ELOVL6: variants seen among roughly 807,000 people sequenced by gnomAD.
ELOVL6 encodes the protein very long chain fatty acid elongase 6.
A neutral mutation model predicts 31.7 loss-of-function variants in ELOVL6; 8 were observed. That is an observed-to-expected ratio of 0.25 (90% CI 0.15 to 0.45). The LOEUF is 0.45. Among genes scored for constraint, ELOVL6 ranks in the 20% least tolerant of loss-of-function variants. The probability of loss-of-function intolerance (pLI) is 1.00; values close to 1 mark genes in which losing one functional copy is unlikely to be tolerated. For synonymous variants in ELOVL6, 101 were observed against 117.7 expected, an observed-to-expected ratio of 0.86 and a Z score of 0.92; for missense variants, 126 against 326.4, an observed-to-expected ratio of 0.39 and a Z score of 4.73.
intron 1 of ELOVL6, among the ~76,000 whole-genome samples, chr4:110,145,153 G>A (rs967142634): frequency 6.6e-6 from 1 of 151,872 alleles, no homozygotes; most frequent in Non-Finnish European, 1.5e-5. Flanking sequence ...GAGAGAGAGA[G>A]AGAGTGAGAA....
chr4:110,126,968 T>C (rs943857010), intron 1 of ELOVL6, among the ~76,000 whole-genome samples: 3 of 150,446 alleles, frequency 2.0e-5, no homozygotes, highest in African/African-American at 7.4e-5. Flanking sequence ...TTCTGGCTAA[T>C]ACTGTAATTA....
At chr4:110,130,572 A>T (rs545992915) in intron 1 of ELOVL6, among the ~76,000 whole-genome samples, 1 of 152,338 alleles carries the variant, frequency 6.6e-6, no homozygotes, top group South Asian at 2.1e-4. Context: ...AGCCCAAGGA[A>T]AAGTAACTCC....
intron 2 of ELOVL6, among the ~76,000 whole-genome samples, chr4:110,069,939 A>G (rs1755420622): frequency 6.6e-6 from 1 of 152,102 alleles, no homozygotes. Flanking sequence ...TTCTCCCTCT[A>G]CAACCCCACT....
At chr4:110,170,094 C>T (rs932059336) in intron 1 of ELOVL6, among the ~76,000 whole-genome samples, 2 of 151,756 alleles carry the variant, frequency 1.3e-5, no homozygotes, top group Admixed American at 6.6e-5. Context: ...GGATTATAGG[C>T]GTGAGCCACT....
At chr4:110,170,438 T>C (rs1054020532) in intron 1 of ELOVL6, among the ~76,000 whole-genome samples, 4 of 152,256 alleles carry the variant, frequency 2.6e-5, no homozygotes, top group Admixed American at 2.0e-4. Flanking sequence ...ATACTCATAG[T>C]ACTTTTGTAG....
At chr4:110,072,092 C>T (rs1307878377) in intron 2 of ELOVL6, among the ~76,000 whole-genome samples, 1 of 152,208 alleles carries the variant, frequency 6.6e-6, no homozygotes, top group Admixed American at 6.5e-5. Context: ...CAGCCGTCAA[C>T]TTGCTGGAGC....
chr4:110,059,965 C>G (rs1412963239), intron 2 of ELOVL6: 2 of 455,478 alleles, frequency 4.4e-6, no homozygotes, highest in Non-Finnish European at 7.7e-6. Context: ...TATGATACCA[C>G]TTCCTCTTCA....
chr4:110,071,093 G>A (rs1307085627), intron 2 of ELOVL6, among the ~76,000 whole-genome samples: 3 of 152,060 alleles, frequency 2.0e-5, no homozygotes, highest in Non-Finnish European at 4.4e-5. Flanking sequence ...TAAAATGAGG[G>A]GACTGGAAAT....
chr4:110,173,898 T>C (rs115135303), intron 1 of ELOVL6, among the ~76,000 whole-genome samples: 18,850 of 151,554 alleles, frequency 0.12, 1,271 homozygotes, highest in African/African-American at 0.15. Flanking sequence ...GCTTAATACC[T>C]GGGTGATGAA....
chr4:110,195,031 A>T (rs1382364280), intron 1 of ELOVL6, among the ~76,000 whole-genome samples: 11 of 152,164 alleles, frequency 7.2e-5, no homozygotes, highest in Non-Finnish European at 1.5e-4. Flanking sequence ...AGTCTGAAAA[A>T]GGTAAGATTT....
chr4:110,084,344 G>GATATATGATATATCGC lies in ELOVL6; in HGVS notation c.221+21152_221+21153insGCGATATATCATATAT, dbSNP rs1553956095. 2.5e-4 allele frequency among the ~76,000 whole-genome samples: 22 copies of GATATATGATATATCGC among 88,438 alleles called. 4 individuals carry two copies. The highest frequency in any genetic ancestry group is 8.3e-4 in the African/African-American group (20 of 24,016). 58.0% of individuals were successfully genotyped at this position (88,438 alleles called of 152,430 possible). ...TAAATTTGATATATATCACATATAT[G>GATATATGATATATCGC]ATATATGATATATACCGCATATATG... On this transcript the variant is annotated intron_variant, in intron 2 of 3. Transcript: ENST00000302274.
chr4:110,145,418 CA>C (rs1758078705), intron 1 of ELOVL6, among the ~76,000 whole-genome samples: 1 of 152,210 alleles, frequency 6.6e-6, no homozygotes, highest in African/African-American at 2.4e-5. Context: ...AGCTACATCA[CA>C]AAGGCCATTC....
intron 2 of ELOVL6, among the ~76,000 whole-genome samples, chr4:110,098,839 A>G (rs1560822440): frequency 6.6e-6 from 1 of 152,178 alleles, no homozygotes; most frequent in African/African-American, 2.4e-5. Context: ...CTTTTGTCCT[A>G]TGACACTTAA....
intron 1 of ELOVL6, among the ~76,000 whole-genome samples, chr4:110,195,995 G>A (rs969442161): frequency 1.2e-4 from 18 of 152,180 alleles, no homozygotes; most frequent in African/African-American, 4.3e-4. Flanking sequence ...GAGTAGATAC[G>A]TTGGCACATT....
At chr4:110,099,358 T>C (rs916223711) in intron 2 of ELOVL6, among the ~76,000 whole-genome samples, 36 of 152,316 alleles carry the variant, frequency 2.4e-4, no homozygotes, top group African/African-American at 7.9e-4. Flanking sequence ...ATCTTGAATA[T>C]ATTTCATACT....
intron 1 of ELOVL6, among the ~76,000 whole-genome samples, chr4:110,189,026 C>T (rs1175190901): frequency 6.6e-6 from 1 of 152,084 alleles, no homozygotes; most frequent in Non-Finnish European, 1.5e-5. Context: ...ACCTGTAATC[C>T]TAGCACTTTG....
At chr4:110,137,720 C>G (rs1578508925) in intron 1 of ELOVL6, among the ~76,000 whole-genome samples, 1 of 152,106 alleles carries the variant, frequency 6.6e-6, no homozygotes, top group South Asian at 2.1e-4. Flanking sequence ...AAGTCACTAA[C>G]ATTACATAAA....
chr4:110,144,021 T>C (rs1454586011), intron 1 of ELOVL6, among the ~76,000 whole-genome samples: 2 of 127,100 alleles, frequency 1.6e-5, no homozygotes, highest in African/African-American at 6.4e-5. Flanking sequence ...GCCATTGCAC[T>C]CCAGCCTGGG....
chr4:110,059,691 C>T lies in ELOVL6; in HGVS notation c.285G>A (p.Lys95=), dbSNP rs1476532141. 1.2e-6 allele frequency: 2 copies of T among 1,614,100 alleles called. No individual in the cohort carries two copies. Among genetic ancestry groups the T allele is most frequent in the Non-Finnish European group, 1.7e-6 (2 of 1,179,998 alleles). Residue 95 remains lysine (K), a synonymous_variant, in exon 3 of 4, where the codon AAG becomes AAA. Transcript: ENST00000302274. ...MVYILMTKGL[K]QSVCDQGFYN... ...AAAAACCCTGGTCACAAACTGACTG[C>T]TTCAGGCCTTTGGTCATCAAAATGT...
Sources: allele counts gnomAD v4.1 joint callset (sites outside exome capture counted in the v4.1 genomes callset), GRCh38; gene constraint gnomAD v4.1.1; transcripts MANE v1.5; gene names NCBI Gene and HGNC (gene_info 2026-07-23, HGNC 2026-07-21).